Variants in LY75 observed in about 807,000 individuals in gnomAD.
LY75 encodes lymphocyte antigen 75, also known as C-type lectin domain family 13 member B.
A neutral mutation model predicts 231.7 loss-of-function variants in LY75; 185 were observed. The ratio of observed to expected loss-of-function variants is 0.80; its 90% confidence interval spans 0.71 to 0.90. LY75 has a LOEUF of 0.90. Ranked by LOEUF, LY75 falls within the 40% of genes least tolerant of loss-of-function variation. The probability of loss-of-function intolerance (pLI) is 0.00; values close to 1 mark genes in which losing one functional copy is unlikely to be tolerated. For missense variants in LY75, 1,947 were observed against 2,050.2 expected, an observed-to-expected ratio of 0.95 and a Z score of 0.97; for synonymous variants, 668 against 689.0, an observed-to-expected ratio of 0.97 and a Z score of 0.48.
chr2:159,879,667 A>G (rs754724649), intron 8 of LY75, among the ~76,000 whole-genome samples: 26 of 152,182 alleles, frequency 1.7e-4, no homozygotes, highest in Non-Finnish European at 3.8e-4. Flanking sequence ...AGAAGAACTC[A>G]GCCCACAGTT....
chr2:159,833,236 C>T (rs1170848589), intron 27 of LY75, among the ~76,000 whole-genome samples: 1 of 151,202 alleles, frequency 6.6e-6, no homozygotes, highest in African/African-American at 2.4e-5. Flanking sequence ...CAAAGATCCT[C>T]CCTCCTTAGC....
intron 33 of LY75, 99 bp from the exon 34 acceptor site, chr2:159,807,239 T>A (rs1682819338): frequency 7.7e-7 from 1 of 1,298,084 alleles, no homozygotes; most frequent in East Asian, 2.4e-5. Context: ...CTGTCCAATA[T>A]GAGAGCCACT....
chr2:159,872,546 A>C lies in LY75; in HGVS notation c.2022T>G (p.Ala674=). 1 of 1,613,974 alleles carries C rather than the reference A, an allele frequency of 6.2e-7. No individual in the cohort carries two copies. The highest frequency in any genetic ancestry group is 1.1e-5 in the South Asian group (1 of 91,088). The stretch of plus-strand genomic sequence containing the variant: ...CTCCAAGGGCTTGGCAGAATCGTTC[A>C]GCTTCTTCCCAGTTCCTCTTTCTTA... ...RIVRKRNWEE[A]ERFCQALGAH... The change falls in exon 13 of 35, where the codon GCT becomes GCG. Residue 674 remains alanine, a synonymous_variant. Transcript: ENST00000263636.
intron 31 of LY75, 144 bp downstream of exon 31, chr2:159,815,261 A>G: frequency 9.6e-7 from 1 of 1,036,554 alleles, no homozygotes; most frequent in Non-Finnish European, 1.3e-6. Context: ...TCGGCCTCCC[A>G]AAGTGCTGGG....
intron 2 of LY75, among the ~76,000 whole-genome samples, chr2:159,894,666 T>TTTCTGAGCAGA (rs1330691584): frequency 6.6e-6 from 1 of 152,158 alleles, no homozygotes; most frequent in Non-Finnish European, 1.5e-5. Flanking sequence ...AGCTGCTGAA[T>TTTCTGAGCAGA]TTCTGAGCAG....
intron 28 of LY75, among the ~76,000 whole-genome samples, chr2:159,820,444 C>A (rs535272893): frequency 5.6e-4 from 85 of 152,254 alleles, no homozygotes; most frequent in South Asian, 2.1e-3. Flanking sequence ...AATGGAAAAC[C>A]AAACATTGTG....
Position 159,904,727 on chromosome 2 carries a change from GGCTCC to G in LY75, c.-50_-46del. The G allele has an allele frequency of 7.3e-7, 1 of 1,376,554 alleles. No homozygotes were observed. Among genetic ancestry groups the G allele is most frequent in the Non-Finnish European group, 9.3e-7 (1 of 1,071,784 alleles). 85.3% of individuals were successfully genotyped at this position (1,376,554 alleles called of 1,614,324 possible). ...TCCGGCCGGGTCCTCGGGCGCACGC[GGCTCC>G]CGCCCCGCCTGCTGAGCGCGGCCTG... On this transcript the variant is annotated 5_prime_UTR_variant, in exon 1 of 35. Transcript: ENST00000263636.
intron 33 of LY75, 89 bp from the exon 34 acceptor site, chr2:159,807,229 C>A (rs1412791211): frequency 2.1e-6 from 3 of 1,408,894 alleles, no homozygotes; most frequent in Non-Finnish European, 2.9e-6. Context: ...CAGAACTGTG[C>A]TGTCCAATAT....
intron 15 of LY75, among the ~76,000 whole-genome samples, chr2:159,859,183 T>C (rs1398593028): frequency 6.6e-6 from 1 of 152,236 alleles, no homozygotes; most frequent in Non-Finnish European, 1.5e-5. Context: ...TTCTCAACAC[T>C]ACTAAAAATT....
Position 159,867,659 on chromosome 2 carries a change from A to G in LY75, c.2118-2739T>C, listed in dbSNP as rs139933796. Among the ~76,000 whole-genome samples the G allele has an allele frequency of 1.2e-3, 179 of 152,346 alleles. No homozygotes were observed. The Middle Eastern group carries it at 0.051, about 43-fold the overall frequency. On this transcript the variant is annotated intron_variant, in intron 13 of 34. Transcript: ENST00000263636. Reference sequence around the variant, plus strand: ...AACAGTATCTCAGCCATAAGCCCCAATAAATACTATTTGATGAGGGTGCTT... The same window carrying G: ...AACAGTATCTCAGCCATAAGCCCCAGTAAATACTATTTGATGAGGGTGCTT...
chr2:159,833,129 CTT>C (rs5835769), intron 27 of LY75, among the ~76,000 whole-genome samples: 28 of 133,898 alleles, frequency 2.1e-4, no homozygotes, highest in Non-Finnish European at 2.2e-4. Context: ...TTCCCCCTTC[CTT>C]TTTTTTTTTT....
chr2:159,844,342 A>C (rs1684133728), intron 23 of LY75, among the ~76,000 whole-genome samples: 2 of 141,754 alleles, frequency 1.4e-5, no homozygotes, highest in South Asian at 2.3e-4. Context: ...AAAAAAAAAA[A>C]ACTATATGGC....
intron 28 of LY75, among the ~76,000 whole-genome samples, chr2:159,826,765 A>G (rs966451204): frequency 6.6e-6 from 1 of 152,184 alleles, no homozygotes; most frequent in Non-Finnish European, 1.5e-5. Flanking sequence ...AGAGATATAG[A>G]CCAATGGAAC....
Position 159,815,123 on chromosome 2 carries a change from C to T in LY75, c.4549+282G>A, listed in dbSNP as rs1020976190. ...TCACGCCATTCTCCCGCCTCAGCCT[C>T]CTGACTAGCTGGGACTACAGGCGCC... On this transcript the variant is annotated intron_variant, in intron 31 of 34. Transcript: ENST00000263636. 6.5e-4 allele frequency among the ~76,000 whole-genome samples: 99 copies of T among 152,036 alleles called. 1 individual carries two copies. The highest frequency in any genetic ancestry group is 2.3e-3 in the African/African-American group (94 of 41,460).
intron 21 of LY75, among the ~76,000 whole-genome samples, chr2:159,850,770 T>TATATATATATATATA (rs1317135048): frequency 2.9e-5 from 1 of 35,074 alleles, no homozygotes; most frequent in African/African-American, 1.9e-4. Flanking sequence ...GTCTTCAAAC[T>TATATATATATATATA]TTCATATATA....
rs116557043 is a variant in LY75, at chr2:159,860,839, T to C, written c.2250A>G (p.Arg750=). ...TACTGACCTTGACAGCAGCACAGTC[T>C]CTGATGTCATAATCCTGCTGAAACT... The part of the protein sequence containing the change: ...PNEFQQDYDI[R]DCAAVKVFHR... Residue 750 remains arginine, a synonymous_variant, in exon 15 of 35, where the codon AGA becomes AGG. Transcript: ENST00000263636. 14 of 1,614,004 alleles carry C rather than the reference T, an allele frequency of 8.7e-6. No homozygotes were observed. The East Asian group carries it at 3.1e-4, about 36-fold the overall frequency.
intron 12 of LY75, among the ~76,000 whole-genome samples, chr2:159,874,935 T>C (rs1381032604): frequency 7.2e-6 from 1 of 139,238 alleles, no homozygotes; most frequent in Non-Finnish European, 1.5e-5. Flanking sequence ...TATAAATATA[T>C]ATATTGTAAA....
chr2:159,852,412 GTTTTTTTTTGT>G (rs1259212455), intron 20 of LY75, 72 bp from the exon 21 acceptor site: 82 of 1,459,498 alleles, frequency 5.6e-5, no homozygotes, highest in Non-Finnish European at 7.1e-5. Flanking sequence ...TGTTTTGTGT[GTTTTTTTTTGT>G]TTTTTTTTTT....
At position 159,898,683 on chromosome 2, in the gene LY75, C is replaced by G; in HGVS notation, c.466+5G>C. 6.2e-7 allele frequency: 1 copy of G among 1,607,834 alleles called. No homozygotes were observed. On this transcript the variant is annotated splice_donor_5th_base_variant and intron_variant, in intron 2 of 34. Coordinates refer to ENST00000263636, the MANE Select transcript of LY75 (RefSeq NM_002349.4). ...AATCGGTCAAAGTCCCTCTCTAATA[C>G]TCACCATGATAAGGCTGGTCACAAA...
Sources: gnomAD v4.1 joint callset for allele counts (sites outside exome capture counted in the v4.1 genomes callset) on GRCh38, gnomAD v4.1.1 for gene constraint, MANE v1.5 for transcripts, NCBI Gene and HGNC (gene_info 2026-07-23, HGNC 2026-07-21) for gene names.